Variants in CLNK observed in about 807,000 individuals in gnomAD.
The protein encoded by CLNK is cytokine dependent hematopoietic cell linker.
A neutral mutation model predicts 68.6 loss-of-function variants in CLNK; 74 were observed. The ratio of observed to expected loss-of-function variants is 1.08; its 90% CI spans 0.89 to 1.31. The LOEUF (loss-of-function observed/expected upper bound fraction) is 1.31. CLNK is among the 50% of genes most tolerant of loss of function. The pLI is 0.00. For synonymous variants in CLNK, 198 were observed against 172.2 expected, an observed-to-expected ratio of 1.15 and a Z score of -1.17; for missense variants, 553 against 515.3, an observed-to-expected ratio of 1.07 and a Z score of -0.71.
intron 2 of CLNK, among the ~76,000 whole-genome samples, chr4:10,625,663 CAG>C (rs772072477): frequency 2.0e-5 from 3 of 151,644 alleles, no homozygotes; most frequent in African/African-American, 4.9e-5. Flanking sequence ...GAAAGAGAGA[CAG>C]AGAGAGAGCA....
the CLNK span, among the ~76,000 whole-genome samples, chr4:10,699,285 C>CACACACATACACACCACGTAT: frequency 2.2e-5 from 1 of 46,192 alleles, no homozygotes; most frequent in African/African-American, 9.3e-5. Flanking sequence ...ACACCACATA[C>CACACACATACACACCACGTAT]GTGTATACAC....
At chr4:10,491,584 G>C (rs1374438233) in intron 18 of CLNK, among the ~76,000 whole-genome samples, 14 of 152,180 alleles carry the variant, frequency 9.2e-5, no homozygotes, top group Admixed American at 7.2e-4. Context: ...CAATTTAACG[G>C]AAAGTAAGAT....
At chr4:10,669,088 C>A (rs949783354) in intron 1 of CLNK, among the ~76,000 whole-genome samples, 1 of 152,136 alleles carries the variant, frequency 6.6e-6, no homozygotes, top group Non-Finnish European at 1.5e-5. Flanking sequence ...GCATATGGCA[C>A]CCCACTGAGC....
chr4:10,653,850 A>G (rs762246257), intron 2 of CLNK, among the ~76,000 whole-genome samples: 1 of 152,260 alleles, frequency 6.6e-6, no homozygotes, highest in Non-Finnish European at 1.5e-5. Context: ...AGACTTTAAA[A>G]TGGTAAAAGA....
At chr4:10,600,382 T>C (rs1560236004) in intron 2 of CLNK, among the ~76,000 whole-genome samples, 1 of 152,234 alleles carries the variant, frequency 6.6e-6, no homozygotes, top group African/African-American at 2.4e-5. Context: ...GTTATTGGGT[T>C]TATTCCATAC....
chr4:10,589,741 G>A lies in CLNK; in HGVS notation c.84-4786C>T, dbSNP rs183112940. ...TGTCTTGACACAAGCAATGGATGAG[G>A]TATCTGAAAGGACTCCTGTGTTAAC... is the stretch of plus-strand genomic sequence containing the variant. On this transcript the variant is annotated intron_variant, in intron 3 of 18. Transcript: ENST00000226951. Among the ~76,000 whole-genome samples, 36 of 152,322 alleles carry A rather than the reference G, an allele frequency of 2.4e-4. 1 individual carries two copies. Among genetic ancestry groups the A allele is most frequent in the Admixed American group, 2.2e-3 (34 of 15,306 alleles).
intron 18 of CLNK, among the ~76,000 whole-genome samples, chr4:10,493,434 T>C (rs1225556790): frequency 6.6e-6 from 1 of 152,128 alleles, no homozygotes; most frequent in Admixed American, 6.5e-5. Flanking sequence ...AGATTCAGGG[T>C]CTGGAGAGGC....
chr4:10,730,551 G>A, the CLNK span, among the ~76,000 whole-genome samples: 195 of 152,150 alleles, frequency 1.3e-3, no homozygotes, highest in Middle Eastern at 3.4e-3. Context: ...TACCTCAAAA[G>A]GGAGTTGCAA....
In CLNK at chr4:10,566,074, A is replaced by C; in HGVS notation, c.227T>G (p.Met76Arg). 6.2e-7 allele frequency: 1 copy of C among 1,613,934 alleles called. No homozygotes were observed. The highest frequency in any genetic ancestry group is 8.5e-7 in the Non-Finnish European group (1 of 1,179,860). ...TTTAATCGACTGCCATGTCTCTTCC[A>C]TCCGAAGCTCAGGGTCATCATAGTC... is the stretch of plus-strand genomic sequence containing the variant. ...DDDYDDPELR[M>R]EETWQSIKIL... The change falls in exon 6 of 19, where the codon ATG (methionine) becomes AGG (arginine). Residue 76 changes from methionine to arginine, a missense_variant. Met to Arg is a moderately conservative substitution (Grantham distance 91). Coordinates refer to ENST00000226951, the MANE Select transcript of CLNK (RefSeq NM_052964.4).
At chr4:10,645,130 C>T (rs989777039) in intron 2 of CLNK, among the ~76,000 whole-genome samples, 4 of 152,230 alleles carry the variant, frequency 2.6e-5, no homozygotes, top group Non-Finnish European at 5.9e-5. Flanking sequence ...AAAAAGCCTT[C>T]CCTGATCTCC....
intron 2 of CLNK, among the ~76,000 whole-genome samples, chr4:10,663,976 G>T (rs957214417): frequency 1.3e-5 from 2 of 152,134 alleles, no homozygotes; most frequent in African/African-American, 4.8e-5. Flanking sequence ...AAATCTGCTA[G>T]CCCCATGTTC....
chr4:10,552,500 G>A (rs758809500), intron 8 of CLNK, among the ~76,000 whole-genome samples: 1 of 151,976 alleles, frequency 6.6e-6, no homozygotes, highest in South Asian at 2.1e-4. Flanking sequence ...TTTTGCATGC[G>A]TGTCTGACAC....
intron 1 of CLNK, among the ~76,000 whole-genome samples, chr4:10,669,556 C>T (rs767137003): frequency 8.5e-5 from 13 of 152,144 alleles, no homozygotes; most frequent in Non-Finnish European, 1.3e-4. Context: ...GGGTTGGTAG[C>T]TGGGATGTTG....
At chr4:10,671,883 C>G (rs1327693592) in intron 1 of CLNK, among the ~76,000 whole-genome samples, 2 of 152,152 alleles carry the variant, frequency 1.3e-5, no homozygotes, top group Non-Finnish European at 2.9e-5. Context: ...GAAACAGCTT[C>G]CCCCCAACTT....
chr4:10,578,021 C>A (rs550040054), intron 4 of CLNK, among the ~76,000 whole-genome samples: 1 of 152,268 alleles, frequency 6.6e-6, no homozygotes, highest in South Asian at 2.1e-4. Context: ...CAGTTACTTA[C>A]AAGCCTCAGT....
At chr4:10,730,133 C>T in the CLNK span, among the ~76,000 whole-genome samples, 1 of 152,178 alleles carries the variant, frequency 6.6e-6, no homozygotes, top group Non-Finnish European at 1.5e-5. Flanking sequence ...GCCACTGCAT[C>T]ATGAGTGTTT....
At chr4:10,666,827 G>T (rs1163833943) in intron 2 of CLNK, among the ~76,000 whole-genome samples, 2 of 152,172 alleles carry the variant, frequency 1.3e-5, no homozygotes, top group Non-Finnish European at 2.9e-5. Flanking sequence ...CCATCCCATG[G>T]GCTTGGCTGT....
the CLNK span, among the ~76,000 whole-genome samples, chr4:10,734,416 CTCT>C: frequency 6.6e-6 from 1 of 152,212 alleles, no homozygotes; most frequent in Non-Finnish European, 1.5e-5. Flanking sequence ...GAATCTTTCC[CTCT>C]TCTTTATCAG....
intron 11 of CLNK, among the ~76,000 whole-genome samples, chr4:10,537,706 CCTTTCTTT>C (rs752656552): frequency 3.0e-4 from 4 of 13,376 alleles, no homozygotes; most frequent in African/African-American, 8.1e-4. Flanking sequence ...TTCCTTCCTT[CCTTTCTTT>C]CTTTCTTTCT....
Sources: allele counts gnomAD v4.1 joint callset (sites outside exome capture counted in the v4.1 genomes callset), GRCh38; gene constraint gnomAD v4.1.1; transcripts MANE v1.5; gene names NCBI Gene and HGNC (gene_info 2026-07-23, HGNC 2026-07-21).